The following CSMD1 variants were observed in gnomAD, a reference collection of about 807,000 sequenced individuals.
CSMD1 encodes CUB and sushi domain-containing protein 1.
CSMD1 carries 213 observed loss-of-function variants against 417.5 expected under a neutral mutation model. That is an observed-to-expected ratio of 0.51 (90% CI 0.46 to 0.57). The LOEUF (loss-of-function observed/expected upper bound fraction) is 0.57, where lower values mean the gene tolerates loss of function less well. Among genes scored for constraint, CSMD1 ranks in the 20% least tolerant of loss-of-function variants. The pLI, the probability that CSMD1 is intolerant of heterozygous loss-of-function variation, is 0.00. For missense variants in CSMD1, 6,923 were observed against 4,529.7 expected (o/e 1.53, Z -15.17); for synonymous variants, 2,862 against 1,736.8 (o/e 1.65, Z -16.11).
At chr8:4,851,400 G>GT (rs1232858237) in intron 1 of CSMD1, among the ~76,000 whole-genome samples, 4 of 151,100 alleles carry the variant, frequency 2.6e-5, no homozygotes, top group Admixed American at 2.0e-4. Context: ...TTCCTTTTTT[G>GT]TTTTTTTCCT....
chr8:3,165,855 C>T (rs1214178486), intron 37 of CSMD1, among the ~76,000 whole-genome samples: 1 of 152,048 alleles, frequency 6.6e-6, no homozygotes, highest in East Asian at 1.9e-4. Context: ...GTGAAACCTT[C>T]TGAGAGAGAA....
At chr8:4,233,021 C>A (rs1025167934) in intron 3 of CSMD1, among the ~76,000 whole-genome samples, 2 of 152,070 alleles carry the variant, frequency 1.3e-5, no homozygotes, top group Non-Finnish European at 2.9e-5. Flanking sequence ...TCTACATGCA[C>A]CTGCAGATCA....
rs551108000 is a variant in CSMD1, at chr8:3,903,877, TA to T, written c.818+94025del. The stretch of plus-strand genomic sequence containing the variant: ...TGTTAGGGAGTCATTGCCATATATA[TA>T]TATTTTTTTACCTCCACAGGACACG... On this transcript the variant is annotated intron_variant, in intron 5 of 69. Coordinates refer to ENST00000635120, the MANE Select transcript of CSMD1 (RefSeq NM_033225.6). Among the ~76,000 whole-genome samples the T allele has an allele frequency of 3.6e-3, 541 of 151,086 alleles. 3 individuals are homozygous for T. Among genetic ancestry groups the T allele is most frequent in the African/African-American group, 7.8e-3 (315 of 40,460 alleles).
chr8:3,481,141 C>T (rs536545802), intron 11 of CSMD1, among the ~76,000 whole-genome samples: 83 of 117,176 alleles, frequency 7.1e-4, no homozygotes, highest in East Asian at 1.3e-3. Flanking sequence ...GGCAACAGAG[C>T]GAGACTCCAT....
At chr8:3,505,299 G>C (rs1796777670) in intron 10 of CSMD1, among the ~76,000 whole-genome samples, 1 of 152,178 alleles carries the variant, frequency 6.6e-6, no homozygotes, top group Non-Finnish European at 1.5e-5. Context: ...AACCAAAGAT[G>C]TGTGGAGTGA....
At chr8:3,275,808 G>A (rs556233366) in intron 26 of CSMD1, among the ~76,000 whole-genome samples, 2 of 152,140 alleles carry the variant, frequency 1.3e-5, no homozygotes. Context: ...CTCTGTATTG[G>A]TTATTCTAGT....
intron 50 of CSMD1, among the ~76,000 whole-genome samples, chr8:3,030,483 G>C (rs1275843299): frequency 6.6e-6 from 1 of 151,704 alleles, no homozygotes; most frequent in East Asian, 1.9e-4. Flanking sequence ...TTTTTTGTGT[G>C]TGTGACAAAG....
chr8:3,165,896 GA>G (rs1033183709), intron 37 of CSMD1, among the ~76,000 whole-genome samples: 3 of 152,090 alleles, frequency 2.0e-5, no homozygotes, highest in African/African-American at 7.2e-5. Context: ...CTCCGAAACA[GA>G]AAAGCCAGAA....
intron 3 of CSMD1, among the ~76,000 whole-genome samples, chr8:4,178,125 C>T (rs535765973): frequency 3.3e-5 from 5 of 152,046 alleles, no homozygotes; most frequent in African/African-American, 1.2e-4. Context: ...GAGACACAAC[C>T]AAAAAAGAGA....
At chr8:4,011,593 C>A (rs534406128) in intron 4 of CSMD1, among the ~76,000 whole-genome samples, 1 of 152,314 alleles carries the variant, frequency 6.6e-6, no homozygotes, top group East Asian at 1.9e-4. Context: ...ATTCATCTCA[C>A]TCAAGATCTC....
At chr8:3,895,702 T>C (rs1807311878) in intron 5 of CSMD1, among the ~76,000 whole-genome samples, 1 of 152,238 alleles carries the variant, frequency 6.6e-6, no homozygotes, top group Admixed American at 6.5e-5. Flanking sequence ...ATTTAGTTCC[T>C]AACTTGTCAA....
intron 5 of CSMD1, among the ~76,000 whole-genome samples, chr8:3,928,449 G>A (rs1462668498): frequency 2.6e-5 from 4 of 152,170 alleles, no homozygotes; most frequent in South Asian, 2.1e-4. Flanking sequence ...AGTAACTGCT[G>A]AATTAATTCA....
At chr8:4,825,936 G>A (rs1364957572) in intron 1 of CSMD1, among the ~76,000 whole-genome samples, 1 of 151,928 alleles carries the variant, frequency 6.6e-6, no homozygotes, top group Non-Finnish European at 1.5e-5. Context: ...AAAACAGGCA[G>A]CTATCACCTT....
intron 1 of CSMD1, among the ~76,000 whole-genome samples, chr8:4,743,721 A>C (rs970989654): frequency 6.6e-6 from 1 of 152,150 alleles, no homozygotes; most frequent in Non-Finnish European, 1.5e-5. Flanking sequence ...TGTATAAAGG[A>C]GATTTTCTCT....
chr8:3,842,693 C>T (rs777262794), intron 5 of CSMD1, among the ~76,000 whole-genome samples: 1 of 151,626 alleles, frequency 6.6e-6, no homozygotes, highest in Non-Finnish European at 1.5e-5. Context: ...GAAACTAAAA[C>T]CAAACTAATG....
chr8:4,913,166 A>T (rs930895688), intron 1 of CSMD1, among the ~76,000 whole-genome samples: 13 of 152,328 alleles, frequency 8.5e-5, no homozygotes, highest in Non-Finnish European at 1.2e-4. Flanking sequence ...GGCACAGGAC[A>T]GTGGGTCTTG....
intron 3 of CSMD1, among the ~76,000 whole-genome samples, chr8:4,248,357 A>G (rs564580702): frequency 1.3e-5 from 2 of 152,270 alleles, no homozygotes; most frequent in South Asian, 2.1e-4. Flanking sequence ...CGCTTTTACC[A>G]TCTCATCCCT....
At chr8:3,302,648 GCACCCTGTGAGCAGT>G (rs1203294701) in intron 25 of CSMD1, among the ~76,000 whole-genome samples, 4 of 152,158 alleles carry the variant, frequency 2.6e-5, no homozygotes, top group Non-Finnish European at 5.9e-5. Flanking sequence ...TGAATAGCAG[GCACCCTGTGAGCAGT>G]CACCAGCAGA....
chr8:3,746,943 C>T (rs1542587), intron 6 of CSMD1, among the ~76,000 whole-genome samples: 130,070 of 152,212 alleles, frequency 0.85, 55,704 homozygotes, highest in East Asian at 0.92. Context: ...CTGCCTGGAA[C>T]AGGCCAGTCT....
Sources: gnomAD v4.1 joint callset for allele counts (sites outside exome capture counted in the v4.1 genomes callset) on GRCh38, gnomAD v4.1.1 for gene constraint, MANE v1.5 for transcripts, NCBI Gene and HGNC (gene_info 2026-07-23, HGNC 2026-07-21) for gene names.